Variants in MAST4 observed in about 807,000 individuals in gnomAD.
MAST4 encodes the protein microtubule associated serine/threonine kinase family member 4.
Under a neutral mutation model 162.7 loss-of-function variants are expected in MAST4, and 89 were observed. That is an observed-to-expected ratio of 0.55 (90% CI 0.46 to 0.65). MAST4 has a LOEUF of 0.65. Among genes scored for constraint, MAST4 ranks in the 30% least tolerant of loss-of-function variants. The probability of loss-of-function intolerance (pLI) is 0.00; values close to 1 mark genes in which losing one functional copy is unlikely to be tolerated. For synonymous variants in MAST4, 1,479 were observed against 1,361.1 expected (o/e 1.09, Z -1.91); for missense variants, 3,153 against 3,374.0 (o/e 0.93, Z 1.62).
intron 3 of MAST4, among the ~76,000 whole-genome samples, chr5:66,832,498 G>A (rs573425915): frequency 6.6e-6 from 1 of 152,156 alleles, no homozygotes; most frequent in South Asian, 2.1e-4. Context: ...GCTGGCCTAG[G>A]CTCTGATTTT....
intron 3 of MAST4, among the ~76,000 whole-genome samples, chr5:66,898,375 A>G (rs1339793233): frequency 6.6e-6 from 1 of 152,236 alleles, no homozygotes; most frequent in Non-Finnish European, 1.5e-5. Flanking sequence ...ACCTGAATAC[A>G]ACACTGATTT....
At chr5:66,634,727 A>G (rs16895355) in intron 1 of MAST4, among the ~76,000 whole-genome samples, 4,024 of 152,276 alleles carry the variant, frequency 0.026, 184 homozygotes, top group African/African-American at 0.092. Context: ...AGTTGTTTAC[A>G]CTTTGTTGCA....
At chr5:66,635,200 C>T (rs1406991312) in intron 1 of MAST4, among the ~76,000 whole-genome samples, 1 of 152,182 alleles carries the variant, frequency 6.6e-6, no homozygotes, top group African/African-American at 2.4e-5. Context: ...CCCTGAACAG[C>T]CGCCATTTCC....
intron 1 of MAST4, among the ~76,000 whole-genome samples, chr5:66,724,897 A>G (rs1199745438): frequency 1.3e-5 from 2 of 152,090 alleles, no homozygotes; most frequent in African/African-American, 4.8e-5. Context: ...AAGAAATCTT[A>G]CTAGTTGATG....
At chr5:66,989,449 G>A (rs1667800373) in intron 4 of MAST4, among the ~76,000 whole-genome samples, 1 of 152,168 alleles carries the variant, frequency 6.6e-6, no homozygotes, top group South Asian at 2.1e-4. Context: ...ACTGAGGCAT[G>A]TGGCAGCTCA....
chr5:66,696,937 A>G (rs1237330468), intron 1 of MAST4, among the ~76,000 whole-genome samples: 1 of 152,200 alleles, frequency 6.6e-6, no homozygotes, highest in Non-Finnish European at 1.5e-5. Flanking sequence ...ATTTTATTGT[A>G]TCTTAACCCT....
chr5:66,727,679 T>G (rs1751606122), intron 1 of MAST4, among the ~76,000 whole-genome samples: 1 of 152,164 alleles, frequency 6.6e-6, no homozygotes, highest in Admixed American at 6.5e-5. Flanking sequence ...GTCATTTATG[T>G]GGCTTTTTTG....
intron 4 of MAST4, among the ~76,000 whole-genome samples, chr5:67,046,715 A>G (rs892747511): frequency 7.2e-5 from 11 of 152,248 alleles, no homozygotes; most frequent in Admixed American, 6.5e-4. Flanking sequence ...GAAGTACTAT[A>G]TAAGGTAATA....
At chr5:66,883,420 C>CTTTTTTT (rs1484230630) in intron 3 of MAST4, among the ~76,000 whole-genome samples, 2 of 125,514 alleles carry the variant, frequency 1.6e-5, no homozygotes, top group Non-Finnish European at 3.3e-5. Flanking sequence ...TGTTCTGTCA[C>CTTTTTTT]TGTTTTTTTT....
chr5:66,973,713 G>GT (rs1450415789), intron 4 of MAST4, among the ~76,000 whole-genome samples: 5 of 152,114 alleles, frequency 3.3e-5, no homozygotes, highest in African/African-American at 4.8e-5. Context: ...TTACATTGCT[G>GT]TTTGTCACAG....
chr5:66,645,882 A>G (rs1239377142), intron 1 of MAST4, among the ~76,000 whole-genome samples: 1 of 152,078 alleles, frequency 6.6e-6, no homozygotes, highest in Non-Finnish European at 1.5e-5. Flanking sequence ...CTTTTCTCAT[A>G]TATGGAACAT....
chr5:66,864,586 GAT>G (rs1314690702), intron 3 of MAST4, among the ~76,000 whole-genome samples: 1 of 152,138 alleles, frequency 6.6e-6, no homozygotes, highest in Non-Finnish European at 1.5e-5. Context: ...ACGGAAGAGA[GAT>G]ATGAGGCTAT....
chr5:66,791,792 T>C (rs1755422479), intron 3 of MAST4, among the ~76,000 whole-genome samples: 1 of 152,208 alleles, frequency 6.6e-6, no homozygotes, highest in Admixed American at 6.5e-5. Flanking sequence ...TTCAGAGAGT[T>C]CATTAGTTCC....
At chr5:66,832,141 T>A (rs764618152) in intron 3 of MAST4, among the ~76,000 whole-genome samples, 1 of 152,104 alleles carries the variant, frequency 6.6e-6, no homozygotes, top group Non-Finnish European at 1.5e-5. Context: ...GACGATGCCT[T>A]TCCTGCCATC....
At chr5:66,849,478 T>C (rs1199415318) in intron 3 of MAST4, among the ~76,000 whole-genome samples, 3 of 152,136 alleles carry the variant, frequency 2.0e-5, no homozygotes, top group Non-Finnish European at 4.4e-5. Context: ...CCCCCTTTTC[T>C]CTTCTCCTGT....
At chr5:66,731,065 A>G (rs745905417) in intron 1 of MAST4, among the ~76,000 whole-genome samples, 1 of 152,200 alleles carries the variant, frequency 6.6e-6, no homozygotes, top group Non-Finnish European at 1.5e-5. Flanking sequence ...ATATAAAATA[A>G]GCATTATCCC....
At chr5:66,681,982 G>A (rs996099896) in intron 1 of MAST4, among the ~76,000 whole-genome samples, 1 of 152,186 alleles carries the variant, frequency 6.6e-6, no homozygotes, top group South Asian at 2.1e-4. Flanking sequence ...TCCAGAGAAG[G>A]CAGGAGGACA....
At chr5:66,750,624 G>T (rs897121652) in intron 1 of MAST4, among the ~76,000 whole-genome samples, 1 of 152,174 alleles carries the variant, frequency 6.6e-6, no homozygotes, top group East Asian at 1.9e-4. Context: ...ATTATATCCC[G>T]CACCTGGCTC....
chr5:67,054,291 C>T, intron 4 of MAST4, 113 bp from the exon 5 acceptor site: 1 of 735,688 alleles, frequency 1.4e-6, no homozygotes, highest in South Asian at 2.2e-5. Flanking sequence ...ATAATTTTAA[C>T]AATAACATGA....
Sources: gnomAD v4.1 joint callset for allele counts (sites outside exome capture counted in the v4.1 genomes callset) on GRCh38, gnomAD v4.1.1 for gene constraint, MANE v1.5 for transcripts, NCBI Gene and HGNC (gene_info 2026-07-23, HGNC 2026-07-21) for gene names.